HMGN1: variants seen among roughly 807,000 people sequenced by gnomAD.
HMGN1 encodes the protein high mobility group nucleosome binding domain 1.
In HMGN1, 9 loss-of-function variants were observed where a neutral mutation model predicts 18.4. The observed-to-expected ratio is 0.49, with a 90% CI of 0.29 to 0.85. The LOEUF (loss-of-function observed/expected upper bound fraction) is 0.85. Ranked by LOEUF, HMGN1 falls within the 40% of genes least tolerant of loss-of-function variation. The probability of loss-of-function intolerance (pLI) is 0.07; values close to 1 mark genes in which losing one functional copy is unlikely to be tolerated. For missense variants in HMGN1, 151 were observed against 119.2 expected (o/e 1.27, Z -1.24); for synonymous variants, 59 against 45.0 (o/e 1.31, Z -1.24).
rs769169196 is a variant in HMGN1, at chr21:39,348,334, A to T, written c.84T>A (p.Pro28=). The T allele has an allele frequency of 2.5e-6, 4 of 1,614,094 alleles. No homozygotes were observed. The highest frequency in any genetic ancestry group is 3.4e-6 in the Non-Finnish European group (4 of 1,180,014). ...TCGGCTTCGCTTCCACTTTTGCAGG[A>T]GGTTTCTGAAAGGCAAAAGCAGCAC... The part of the protein sequence containing the change: ...KRRSARLSAK[P]PAKVEAKPKK... Residue 28 remains proline (P), a synonymous_variant, in exon 4 of 6, where the codon CCT becomes CCA. Coordinates refer to ENST00000380749, the MANE Select transcript of HMGN1 (RefSeq NM_004965.7).
intron 4 of HMGN1, chr21:39,346,056 A>G: frequency 1.5e-6 from 1 of 646,348 alleles, no homozygotes; most frequent in Non-Finnish European, 2.5e-6. Flanking sequence ...TTTAGATACC[A>G]TCCATCAATA....
At chr21:39,346,944 T>G (rs1251173620) in intron 4 of HMGN1, 1 of 152,260 alleles carries the variant, frequency 6.6e-6, no homozygotes, top group East Asian at 1.9e-4. Context: ...GGAACTGTTT[T>G]CATTAAAAAA....
At position 39,347,524 on chromosome 21, in the gene HMGN1, T is replaced by G. The variant is rs905548126; in HGVS notation, c.126+768A>C. The G allele has an allele frequency of 4.9e-6, 4 of 811,188 alleles. No individual in the cohort carries two copies. The Admixed American group carries it at 7.0e-5, about 14-fold the overall frequency. The allele number at this position is 811,188 out of a possible 1,614,324, so 50.2% of individuals were successfully genotyped here. On this transcript the variant is annotated intron_variant, in intron 4 of 5. Transcript: ENST00000380749. ...TGAAGGCATTAACAAAAATTTTTTT[T>G]GAGACTTCAAATAGCAAACTCTCAC...
chr21:39,347,205 T>G, intron 4 of HMGN1: 1 of 406,814 alleles, frequency 2.5e-6, no homozygotes. Flanking sequence ...CATGGTCTTC[T>G]GGTAATGAGA....
At position 39,347,637 on chromosome 21, in the gene HMGN1, C is replaced by T. The variant is rs953414414; in HGVS notation, c.126+655G>A. 4.3e-5 allele frequency: 15 copies of T among 347,902 alleles called. No homozygotes were observed. The East Asian group carries it at 8.2e-4, about 19-fold the overall frequency. 21.6% of individuals were successfully genotyped at this position (347,902 alleles called of 1,614,324 possible). ...GCTATATCCAAACACAAAGCTTATACTTGTTTTACACATGTTCTGCTTTTC... is the reference window on the plus strand; with the variant it reads ...GCTATATCCAAACACAAAGCTTATATTTGTTTTACACATGTTCTGCTTTTC... On this transcript the variant is annotated intron_variant, in intron 4 of 5. Transcript: ENST00000380749.
chr21:39,346,799 CA>C (rs1357943393), intron 4 of HMGN1: 1 of 152,120 alleles, frequency 6.6e-6, no homozygotes, highest in Non-Finnish European at 1.5e-5. Flanking sequence ...TAAAAATGAA[CA>C]AATCCCTTCT....
intron 4 of HMGN1, 177 bp downstream of exon 4, chr21:39,348,107 ATATAGTTC>A: frequency 2.2e-6 from 2 of 889,024 alleles, no homozygotes; most frequent in East Asian, 5.3e-5. Flanking sequence ...CATTAGTGTG[ATATAGTTC>A]TATAAACCAG....
At chr21:39,345,745 G>T in intron 4 of HMGN1, 1 of 1,001,768 alleles carries the variant, frequency 1.0e-6, no homozygotes. Context: ...CTCGTCGACC[G>T]TATTCCCACC....
chr21:39,348,606 G>A (rs2146861359), intron 1 of HMGN1, 29 bp from the exon 2 acceptor site: 4 of 1,565,454 alleles, frequency 2.6e-6, no homozygotes, highest in Non-Finnish European at 3.5e-6. Flanking sequence ...ACGAATAGAG[G>A]CGGGCCGCAG....
rs1255109820 is a variant in HMGN1, at chr21:39,342,940, T to C, written c.*172A>G. On this transcript the variant is annotated 3_prime_UTR_variant, in exon 6 of 6. Transcript: ENST00000380749. ...ACAACCAGCAAATGATTTCACCTCT[T>C]AAAAAAAAGCATTTACACTTAAAAA... The C allele has an allele frequency of 4.0e-6, 5 of 1,261,052 alleles. No individual in the cohort carries two copies. In the South Asian group the frequency reaches 6.5e-5, roughly 16 times the overall value. The allele number at this position is 1,261,052 out of a possible 1,614,324, so 78.1% of individuals were successfully genotyped here. A position where few individuals can be genotyped will look rare whatever the true frequency, so the allele number is the denominator to read the frequency against.
intron 5 of HMGN1, among the ~76,000 whole-genome samples, chr21:39,344,295 A>C (rs1219981375): frequency 6.6e-6 from 1 of 151,948 alleles, no homozygotes; most frequent in Non-Finnish European, 1.5e-5. Flanking sequence ...AAGTACAAGA[A>C]GTACAAGTTA....
chr21:39,345,395 G>T, intron 4 of HMGN1, 121 bp from the exon 5 acceptor site: 1 of 902,392 alleles, frequency 1.1e-6, no homozygotes, highest in Non-Finnish European at 1.7e-6. Context: ...TCATAGTAAG[G>T]TTTGAGAGAG....
intron 4 of HMGN1, chr21:39,345,661 C>T (rs2037025216): frequency 1.9e-5 from 8 of 421,158 alleles, no homozygotes; most frequent in South Asian, 1.5e-4. Flanking sequence ...TATTTCACCA[C>T]TGTCGCCATC....
intron 4 of HMGN1, chr21:39,347,079 C>A (rs9979245): frequency 4.7e-4 from 73 of 154,626 alleles, no homozygotes; most frequent in South Asian, 7.4e-4. Context: ...CACACACACA[C>A]AATAAAAAAA....
chr21:39,348,845 C>T, intron 1 of HMGN1, 58 bp downstream of exon 1: 1 of 1,059,174 alleles, frequency 9.4e-7, no homozygotes, highest in South Asian at 4.5e-5. Context: ...CTCGCGGGGC[C>T]CGGCGGGGCG....
chr21:39,347,224 G>T (rs1230706121), intron 4 of HMGN1: 3 of 516,034 alleles, frequency 5.8e-6, no homozygotes, highest in African/African-American at 4.1e-5. Context: ...GAAATTTAAA[G>T]TTGAAAAATA....
intron 4 of HMGN1, chr21:39,347,373 T>G: frequency 8.7e-7 from 1 of 1,153,498 alleles, no homozygotes; most frequent in African/African-American, 1.6e-5. Flanking sequence ...CATCTTTGTT[T>G]TATACCTTTA....
intron 4 of HMGN1, 147 bp from the exon 5 acceptor site, chr21:39,345,421 G>C: frequency 1.4e-6 from 1 of 711,864 alleles, no homozygotes; most frequent in Non-Finnish European, 2.3e-6. Context: ...TCTCACACAT[G>C]AGCGTGAAAC....
intron 4 of HMGN1, chr21:39,347,154 C>T (rs2037085609): frequency 5.2e-6 from 1 of 192,138 alleles, no homozygotes. Context: ...TTTAGGCCTT[C>T]AAGTTTCCGT....
Sources: gnomAD v4.1 joint callset for allele counts (sites outside exome capture counted in the v4.1 genomes callset) on GRCh38, gnomAD v4.1.1 for gene constraint, MANE v1.5 for transcripts, NCBI Gene and HGNC (gene_info 2026-07-23, HGNC 2026-07-21) for gene names.